The following RYR2 variants were observed in gnomAD, a reference collection of about 807,000 sequenced individuals.
RYR2 encodes ryanodine receptor 2.
RYR2 carries 227 observed loss-of-function variants against 601.1 expected under a neutral mutation model. The ratio of observed to expected loss-of-function variants is 0.38; its 90% CI spans 0.34 to 0.42. The LOEUF (loss-of-function observed/expected upper bound fraction) is 0.42. Among genes scored for constraint, RYR2 ranks in the 10% least tolerant of loss-of-function variants. The pLI, the probability that RYR2 is intolerant of heterozygous loss-of-function variation, is 1.00. For synonymous variants in RYR2, 2,223 were observed against 2,175.1 expected, an observed-to-expected ratio of 1.02 and a Z score of -0.61; for missense variants, 4,646 against 6,156.5, an observed-to-expected ratio of 0.75 and a Z score of 8.21.
rs561170005 is a variant in RYR2, at chr1:237,674,634, T to C, written c.8715-97T>C. The C allele has an allele frequency of 9.7e-4, 569 of 585,522 alleles. 6 individuals are homozygous for C. The highest frequency in any genetic ancestry group is 2.2e-3 in the Middle Eastern group (5 of 2,304). The allele number at this position is 585,522 out of a possible 1,614,324, so 36.3% of individuals were successfully genotyped here. A position where few individuals can be genotyped will look rare whatever the true frequency, so the allele number is the denominator to read the frequency against. On this transcript the variant is annotated intron_variant, in intron 59 of 104. Transcript: ENST00000366574. Reference sequence around the variant, plus strand: ...ATTTATATATATAGATAAACATATATGTATGTATATACACATATATATATA... The same window carrying C: ...ATTTATATATATAGATAAACATATACGTATGTATATACACATATATATATA...
chr1:237,193,360 G>C (rs762737064), intron 1 of RYR2, among the ~76,000 whole-genome samples: 4 of 152,064 alleles, frequency 2.6e-5, no homozygotes, highest in African/African-American at 4.8e-5. Flanking sequence ...CCAGCTACTC[G>C]GGAGGCTGAG....
chr1:237,669,603 C>T (rs1684692213), intron 58 of RYR2, among the ~76,000 whole-genome samples: 2 of 152,050 alleles, frequency 1.3e-5, no homozygotes, highest in South Asian at 4.1e-4. Flanking sequence ...GGTCTCCTCA[C>T]TTCTCAGACG....
At chr1:237,691,823 A>C (rs1219373690) in intron 63 of RYR2, among the ~76,000 whole-genome samples, 1 of 152,208 alleles carries the variant, frequency 6.6e-6, no homozygotes, top group Non-Finnish European at 1.5e-5. Context: ...GTTGGTGCAC[A>C]TAACGAATTT....
intron 1 of RYR2, among the ~76,000 whole-genome samples, chr1:237,214,706 T>C (rs1370922685): frequency 2.0e-5 from 3 of 152,196 alleles, no homozygotes; most frequent in Non-Finnish European, 4.4e-5. Context: ...TTACCATAAC[T>C]TTAGATTTCA....
At chr1:237,080,733 G>A (rs2148390225) in intron 1 of RYR2, among the ~76,000 whole-genome samples, 1 of 69,516 alleles carries the variant, frequency 1.4e-5, no homozygotes, top group Non-Finnish European at 3.2e-5. Context: ...GATTCCTCAG[G>A]GATCTAGAAC....
intron 15 of RYR2, among the ~76,000 whole-genome samples, chr1:237,455,484 G>A (rs550840884): frequency 2.0e-5 from 3 of 152,028 alleles, no homozygotes; most frequent in South Asian, 4.2e-4. Flanking sequence ...TCACTATCTG[G>A]GTGATGAAAT....
intron 46 of RYR2, 25 bp downstream of exon 46, chr1:237,639,226 C>G (rs766493540): frequency 7.6e-6 from 12 of 1,579,894 alleles, no homozygotes; most frequent in Non-Finnish European, 9.5e-6. Context: ...CACACCCTCA[C>G]GAGTGATCCA....
chr1:237,088,407 A>G (rs527589920), intron 1 of RYR2, among the ~76,000 whole-genome samples: 3 of 152,284 alleles, frequency 2.0e-5, no homozygotes, highest in African/African-American at 4.8e-5. Context: ...GCAAGACTAA[A>G]CCATATTTAC....
intron 2 of RYR2, among the ~76,000 whole-genome samples, chr1:237,271,933 C>T (rs762204615): frequency 5.3e-5 from 8 of 152,018 alleles, no homozygotes; most frequent in East Asian, 1.9e-4. Context: ...AGTTCAAGAC[C>T]GGTCTGGCCA....
At chr1:237,240,665 C>A (rs866207609) in intron 1 of RYR2, among the ~76,000 whole-genome samples, 62 of 55,176 alleles carry the variant, frequency 1.1e-3, no homozygotes, top group Middle Eastern at 0.026. Context: ...CTATAAAAGC[C>A]AAAAAAAAAA....
intron 1 of RYR2, among the ~76,000 whole-genome samples, chr1:237,202,659 C>T (rs569585706): frequency 5.8e-4 from 88 of 152,286 alleles, no homozygotes; most frequent in African/African-American, 2.0e-3. Context: ...CAACCCACAT[C>T]GGCCTTCCAA....
chr1:237,165,880 T>TA (rs1232267432), intron 1 of RYR2, among the ~76,000 whole-genome samples: 1 of 152,064 alleles, frequency 6.6e-6, no homozygotes, highest in East Asian at 1.9e-4. Flanking sequence ...CTCATGCCTG[T>TA]AGCCTGTTGT....
In RYR2 at chr1:237,649,862, C is replaced by T; in HGVS notation, c.7513-15C>T. 1 of 1,611,078 alleles carries T rather than the reference C, an allele frequency of 6.2e-7. No homozygotes were observed. On this transcript the variant is annotated splice_polypyrimidine_tract_variant and intron_variant, in intron 49 of 104. Coordinates refer to ENST00000366574, the MANE Select transcript of RYR2 (RefSeq NM_001035.3). ...CCAAACACAAATGGCCTTCTACTCT[C>T]TGATTCTTTTTCAGGCAGCTTTGAG...
intron 2 of RYR2, among the ~76,000 whole-genome samples, chr1:237,281,190 T>A (rs1690826374): frequency 6.6e-6 from 1 of 152,176 alleles, no homozygotes; most frequent in African/African-American, 2.4e-5. Context: ...ATAGAAGGCA[T>A]TTTATGGAAT....
intron 1 of RYR2, among the ~76,000 whole-genome samples, chr1:237,231,107 G>C (rs998045992): frequency 2.0e-5 from 3 of 151,960 alleles, no homozygotes; most frequent in South Asian, 2.1e-4. Flanking sequence ...CTAAGTGGTT[G>C]TATATCAAGG....
intron 97 of RYR2, among the ~76,000 whole-genome samples, chr1:237,798,400 A>G (rs1461643730): frequency 2.0e-5 from 2 of 99,712 alleles, no homozygotes; most frequent in Non-Finnish European, 4.2e-5. Context: ...TATTTATAAG[A>G]GAACAGAAAG....
At chr1:237,242,566 A>T (rs1686312324) in intron 1 of RYR2, among the ~76,000 whole-genome samples, 1 of 152,038 alleles carries the variant, frequency 6.6e-6, no homozygotes, top group African/African-American at 2.4e-5. Flanking sequence ...ATTAGAGAAG[A>T]TTTTTACCAA....
chr1:237,598,298 C>G (rs745649148), intron 34 of RYR2, among the ~76,000 whole-genome samples: 2 of 152,168 alleles, frequency 1.3e-5, no homozygotes, highest in African/African-American at 4.8e-5. Context: ...AAACTGCACT[C>G]TAGACCAAAG....
intron 14 of RYR2, among the ~76,000 whole-genome samples, chr1:237,453,795 A>G (rs1003066383): frequency 1.3e-5 from 2 of 152,212 alleles, no homozygotes; most frequent in African/African-American, 4.8e-5. Context: ...CCAGTAATAT[A>G]TCTTTCTTCC....
Sources: gnomAD v4.1 joint callset for allele counts (sites outside exome capture counted in the v4.1 genomes callset) on GRCh38, gnomAD v4.1.1 for gene constraint, MANE v1.5 for transcripts, NCBI Gene and HGNC (gene_info 2026-07-23, HGNC 2026-07-21) for gene names.